TMEM132B: variants seen among roughly 807,000 people sequenced by gnomAD.
TMEM132B encodes the protein transmembrane protein 132B.
TMEM132B carries 18 observed loss-of-function variants against 90.8 expected under a neutral mutation model. The ratio of observed to expected loss-of-function variants is 0.20; its 90% CI spans 0.14 to 0.29. The LOEUF is 0.29. TMEM132B is among the 10% of genes least tolerant of loss of function. The pLI, the probability that TMEM132B is intolerant of heterozygous loss-of-function variation, is 1.00. For missense variants in TMEM132B, 1,096 were observed against 1,326.8 expected, an observed-to-expected ratio of 0.83 and a Z score of 2.70; for synonymous variants, 504 against 523.3, an observed-to-expected ratio of 0.96 and a Z score of 0.50.
At chr12:125,521,633 G>T (rs1206757933) in intron 4 of TMEM132B, among the ~76,000 whole-genome samples, 2 of 152,182 alleles carry the variant, frequency 1.3e-5, no homozygotes, top group Non-Finnish European at 2.9e-5. Flanking sequence ...AGGGTGGAGG[G>T]GTTATTACCA....
chr12:125,193,100 A>G (rs765850034), intron 1 of TMEM132B, among the ~76,000 whole-genome samples: 3 of 152,172 alleles, frequency 2.0e-5, no homozygotes, highest in Non-Finnish European at 4.4e-5. Context: ...GGAAGGGCTG[A>G]CTGGGGACAC....
intron 2 of TMEM132B, among the ~76,000 whole-genome samples, chr12:125,411,164 GT>G (rs1566027559): frequency 1.8e-5 from 2 of 112,738 alleles, no homozygotes; most frequent in Non-Finnish European, 3.9e-5. Flanking sequence ...GAGGAGTGGA[GT>G]GGAGTGGAGT....
At chr12:125,568,621 G>T (rs1464511378) in intron 4 of TMEM132B, among the ~76,000 whole-genome samples, 1 of 152,162 alleles carries the variant, frequency 6.6e-6, no homozygotes, top group Non-Finnish European at 1.5e-5. Context: ...ATCTCCTCAA[G>T]TGTCGCATAC....
intron 1 of TMEM132B, among the ~76,000 whole-genome samples, chr12:125,294,676 G>A (rs1875623265): frequency 6.6e-6 from 1 of 152,206 alleles, no homozygotes; most frequent in Non-Finnish European, 1.5e-5. Context: ...GGAAATTGAA[G>A]CTTAGAAAGC....
chr12:125,386,665 C>G (rs573308317), intron 2 of TMEM132B, among the ~76,000 whole-genome samples: 1 of 152,218 alleles, frequency 6.6e-6, no homozygotes, highest in South Asian at 2.1e-4. Flanking sequence ...ATCCAAAGAG[C>G]CGTGGGGAGC....
At chr12:125,480,014 T>C (rs1881996003) in intron 3 of TMEM132B, among the ~76,000 whole-genome samples, 1 of 152,142 alleles carries the variant, frequency 6.6e-6, no homozygotes, top group African/African-American at 2.4e-5. Context: ...GACTACTGGG[T>C]AAATAATGAA....
At chr12:125,283,240 C>T (rs1006551077) in intron 1 of TMEM132B, among the ~76,000 whole-genome samples, 8 of 152,178 alleles carry the variant, frequency 5.3e-5, no homozygotes, top group African/African-American at 1.7e-4. Context: ...TGGATTCGTA[C>T]ATATTAGGTT....
intron 2 of TMEM132B, among the ~76,000 whole-genome samples, chr12:125,357,710 C>A (rs1305003484): frequency 6.6e-6 from 1 of 152,212 alleles, no homozygotes; most frequent in African/African-American, 2.4e-5. Context: ...CACACTGAGT[C>A]ACCACTGGAA....
intron 1 of TMEM132B, among the ~76,000 whole-genome samples, chr12:125,266,257 C>G: frequency 6.6e-6 from 1 of 151,968 alleles, no homozygotes; most frequent in Non-Finnish European, 1.5e-5. Flanking sequence ...AAATTAAACC[C>G]CAGACAAAGA....
At chr12:125,527,733 C>A (rs1342693076) in intron 4 of TMEM132B, among the ~76,000 whole-genome samples, 1 of 151,912 alleles carries the variant, frequency 6.6e-6, no homozygotes, top group Non-Finnish European at 1.5e-5. Flanking sequence ...TCCATCCACC[C>A]ATTCACCCTT....
At chr12:125,326,649 A>G in intron 1 of TMEM132B, 1 of 1,608,232 alleles carries the variant, frequency 6.2e-7, no homozygotes, top group Non-Finnish European at 8.5e-7. Flanking sequence ...TCCAGAATGG[A>G]CACCACTGCT....
chr12:125,375,894 G>C (rs1216221793), intron 2 of TMEM132B, among the ~76,000 whole-genome samples: 1 of 152,198 alleles, frequency 6.6e-6, no homozygotes, highest in African/African-American at 2.4e-5. Flanking sequence ...CCTAAAATCA[G>C]TCTGCACTCA....
chr12:125,381,412 G>A (rs118013209), intron 2 of TMEM132B, among the ~76,000 whole-genome samples: 316 of 152,310 alleles, frequency 2.1e-3, no homozygotes, highest in Admixed American at 3.7e-3. Context: ...TACCACTGGG[G>A]TGCTCTCTTG....
chr12:125,375,166 C>T (rs1356286695), intron 2 of TMEM132B, among the ~76,000 whole-genome samples: 4 of 152,228 alleles, frequency 2.6e-5, no homozygotes, highest in South Asian at 4.1e-4. Flanking sequence ...CTAACCCTTT[C>T]GTGTGTGTAT....
At chr12:125,354,356 T>A (rs1877694241) in intron 2 of TMEM132B, among the ~76,000 whole-genome samples, 1 of 152,140 alleles carries the variant, frequency 6.6e-6, no homozygotes, top group South Asian at 2.1e-4. Context: ...ACTGGGAGAT[T>A]TTATATACCA....
chr12:125,520,215 C>T (rs1883273819), intron 4 of TMEM132B, among the ~76,000 whole-genome samples: 2 of 152,310 alleles, frequency 1.3e-5, no homozygotes, highest in East Asian at 3.9e-4. Context: ...TCAGGGGCTA[C>T]ATCTGAGATC....
chr12:125,579,605 A>G (rs7134106), intron 4 of TMEM132B, among the ~76,000 whole-genome samples: 62,386 of 151,836 alleles, frequency 0.41, 16,365 homozygotes, highest in African/African-American at 0.74. Flanking sequence ...CTCATGATCT[A>G]CCTGTGTCAG....
chr12:125,298,624 A>G, intron 1 of TMEM132B, among the ~76,000 whole-genome samples: 1 of 136,332 alleles, frequency 7.3e-6, no homozygotes, highest in Non-Finnish European at 1.6e-5. Context: ...CAGTGAGCCG[A>G]GATCGCGTCA....
chr12:125,439,103 A>G (rs1880787748), intron 3 of TMEM132B, among the ~76,000 whole-genome samples: 1 of 151,306 alleles, frequency 6.6e-6, no homozygotes, highest in Non-Finnish European at 1.5e-5. Flanking sequence ...TGATGTCTAC[A>G]GCTTTGTTCT....
Sources: allele counts gnomAD v4.1 joint callset (sites outside exome capture counted in the v4.1 genomes callset), GRCh38; gene constraint gnomAD v4.1.1; transcripts MANE v1.5; gene names NCBI Gene and HGNC (gene_info 2026-07-23, HGNC 2026-07-21).